Variants in SCMH1 observed in about 807,000 individuals in gnomAD.
SCMH1 encodes the protein Scm polycomb group protein homolog 1, also known as polycomb protein SCMH1.
Under a neutral mutation model 70.8 loss-of-function variants are expected in SCMH1, and 37 were observed. The ratio of observed to expected loss-of-function variants is 0.52; its 90% CI spans 0.40 to 0.69. The LOEUF (loss-of-function observed/expected upper bound fraction) is 0.69, where lower values mean the gene tolerates loss of function less well. SCMH1 is among the 30% of genes least tolerant of loss of function. The probability of loss-of-function intolerance (pLI) is 0.00; values close to 1 mark genes in which losing one functional copy is unlikely to be tolerated. For synonymous variants in SCMH1, 292 were observed against 307.4 expected (o/e 0.95, Z 0.52); for missense variants, 607 against 827.3 (o/e 0.73, Z 3.27).
intron 8 of SCMH1, among the ~76,000 whole-genome samples, chr1:41,112,373 T>C (rs1669458149): frequency 6.6e-6 from 1 of 152,204 alleles, no homozygotes; most frequent in Non-Finnish European, 1.5e-5. Flanking sequence ...CAGTACTTTT[T>C]AGACTTAAGA....
intron 2 of SCMH1, among the ~76,000 whole-genome samples, chr1:41,164,882 C>A (rs1646310007): frequency 6.6e-6 from 1 of 151,988 alleles, no homozygotes. Flanking sequence ...TTTATAATTT[C>A]TTTGTGGTGA....
At chr1:41,117,164 T>C (rs531065129) in intron 6 of SCMH1, among the ~76,000 whole-genome samples, 154 bp from the exon 7 acceptor site, 1 of 148,284 alleles carries the variant, frequency 6.7e-6, no homozygotes, top group East Asian at 1.9e-4. Context: ...TTATACTAGA[T>C]ATAGATCATA....
intron 12 of SCMH1, among the ~76,000 whole-genome samples, chr1:41,038,441 A>T (rs1645618549): frequency 6.6e-6 from 1 of 152,126 alleles, no homozygotes; most frequent in South Asian, 2.1e-4. Context: ...ACTGTCCTTT[A>T]TCATTTTTCA....
intron 2 of SCMH1, among the ~76,000 whole-genome samples, chr1:41,184,529 A>G (rs1466626382): frequency 1.3e-5 from 2 of 152,176 alleles, no homozygotes; most frequent in Non-Finnish European, 2.9e-5. Flanking sequence ...TATATCACTA[A>G]ACAAATCAGA....
intron 1 of SCMH1, among the ~76,000 whole-genome samples, chr1:41,233,322 G>A (rs1661673584): frequency 6.6e-6 from 1 of 152,076 alleles, no homozygotes; most frequent in African/African-American, 2.4e-5. Context: ...CTGTTCTTTA[G>A]AATATCATCC....
At chr1:41,085,373 CATG>C (rs1558742172) in intron 8 of SCMH1, among the ~76,000 whole-genome samples, 1 of 152,084 alleles carries the variant, frequency 6.6e-6, no homozygotes, top group Non-Finnish European at 1.5e-5. Flanking sequence ...ATGTGATTAA[CATG>C]ATAATACATA....
intron 8 of SCMH1, among the ~76,000 whole-genome samples, chr1:41,100,317 A>G (rs1490636586): frequency 1.3e-5 from 2 of 151,984 alleles, no homozygotes; most frequent in Non-Finnish European, 2.9e-5. Context: ...TAACAACAAC[A>G]AAAAAAGGTA....
chr1:41,236,991 T>C (rs140161141), intron 1 of SCMH1, among the ~76,000 whole-genome samples: 19 of 152,328 alleles, frequency 1.2e-4, no homozygotes, highest in African/African-American at 4.6e-4. Context: ...AATTCCCTCA[T>C]TCACAGATGG....
At chr1:41,136,623 C>T (rs533483975) in intron 6 of SCMH1, among the ~76,000 whole-genome samples, 2 of 151,344 alleles carry the variant, frequency 1.3e-5, no homozygotes, top group African/African-American at 2.4e-5. Context: ...CTGCCCACCT[C>T]GGCCTCCGAA....
exon 9 of SCMH1, chr1:41,075,247 T>C (rs1241087939): frequency 1.2e-6 from 2 of 1,614,038 alleles, no homozygotes; most frequent in Admixed American, 1.7e-5. Flanking sequence ...ACCTCTCTTC[T>C]TTGGGAATTT....
At chr1:41,104,217 T>A (rs931385300) in intron 8 of SCMH1, among the ~76,000 whole-genome samples, 1 of 152,160 alleles carries the variant, frequency 6.6e-6, no homozygotes, top group Admixed American at 6.5e-5. Context: ...GTCTATAACC[T>A]CCAGTGAACC....
At chr1:41,046,758 C>G (rs746351237) in intron 11 of SCMH1, 160 bp from the exon 12 acceptor site, 6 of 622,578 alleles carry the variant, frequency 9.6e-6, no homozygotes, top group Non-Finnish European at 1.7e-5. Context: ...CTCCCTCCCT[C>G]GAGGGCTTTG....
intron 9 of SCMH1, 35 bp from the exon 10 acceptor site, chr1:41,070,756 T>C (rs753306667): frequency 3.1e-6 from 5 of 1,611,832 alleles, no homozygotes; most frequent in East Asian, 4.5e-5. Context: ...TTGCTACCCA[T>C]GACAGGTCTT....
At chr1:41,033,247 C>T (rs1321332822) in intron 13 of SCMH1, among the ~76,000 whole-genome samples, 1 of 151,296 alleles carries the variant, frequency 6.6e-6, no homozygotes, top group Non-Finnish European at 1.5e-5. Context: ...GATTGAGCCA[C>T]TGTACTCCAG....
At chr1:41,054,129 C>A (rs1649353370) in intron 10 of SCMH1, among the ~76,000 whole-genome samples, 1 of 152,094 alleles carries the variant, frequency 6.6e-6, no homozygotes, top group East Asian at 1.9e-4. Flanking sequence ...CAGGTGTGAA[C>A]CACCGCGCCC....
At position 41,113,661 on chromosome 1, in the gene SCMH1, A is replaced by G; in HGVS notation, c.502-135T>C. ...AATGGATATATAGCCTTTCTTTTAA[A>G]TTAATTTTAAATTCAATATTTCAAT... is the stretch of plus-strand genomic sequence containing the variant. On this transcript the variant is annotated intron_variant, in intron 7 of 14. Coordinates refer to ENST00000337495, the Ensembl canonical transcript of SCMH1. This position sits in a 1 kb window ranked among gnomAD's most constrained non-coding sequence, Gnocchi z 4.3. The G allele has an allele frequency of 1.3e-6, 1 of 784,880 alleles. No individual in the cohort carries two copies. The highest frequency in any genetic ancestry group is 1.8e-6 in the Non-Finnish European group (1 of 567,416). 48.6% of individuals were successfully genotyped at this position (784,880 alleles called of 1,614,324 possible). A position where few individuals can be genotyped will look rare whatever the true frequency, so the allele number is the denominator to read the frequency against.
At chr1:41,130,507 T>C (rs1388538413) in intron 6 of SCMH1, among the ~76,000 whole-genome samples, 2 of 152,172 alleles carry the variant, frequency 1.3e-5, no homozygotes, top group Non-Finnish European at 2.9e-5. Flanking sequence ...ATTCAGGCCT[T>C]TGATACATTT....
At chr1:41,186,076 C>A in intron 2 of SCMH1, 45 bp downstream of exon 2, 1 of 1,544,380 alleles carries the variant, frequency 6.5e-7, no homozygotes, top group South Asian at 1.2e-5. Context: ...CTTGCTAGGT[C>A]TCTTAATCCC....
At chr1:41,083,514 T>A (rs755194299) in intron 8 of SCMH1, among the ~76,000 whole-genome samples, 14 of 152,168 alleles carry the variant, frequency 9.2e-5, no homozygotes, top group Non-Finnish European at 1.6e-4. Context: ...TGCTCATGGG[T>A]AGGTAGAATC....
Sources: gnomAD v4.1 joint callset for allele counts (sites outside exome capture counted in the v4.1 genomes callset) on GRCh38, gnomAD v4.1.1 for gene constraint, Gnocchi (gnomAD v3.1) non-coding constraint, MANE v1.5 for transcripts, NCBI Gene and HGNC (gene_info 2026-07-23, HGNC 2026-07-21) for gene names.